NOX1: variants seen among roughly 807,000 people sequenced by gnomAD.
NOX1 encodes the protein NADPH oxidase 1.
A neutral mutation model predicts 42.5 loss-of-function variants in NOX1; 34 were observed. That is an observed-to-expected ratio of 0.80 (90% CI 0.61 to 1.07). The LOEUF (loss-of-function observed/expected upper bound fraction) is 1.07, where lower values mean the gene tolerates loss of function less well. Among genes scored for constraint, NOX1 ranks in the 50% least tolerant of loss-of-function variants. The pLI, the probability that NOX1 is intolerant of heterozygous loss-of-function variation, is 0.00. For missense variants in NOX1, 408 were observed against 427.0 expected (o/e 0.96, Z 0.39); for synonymous variants, 143 against 152.5 (o/e 0.94, Z 0.46).
At chrX:100,855,626 G>A (rs2085161421) in intron 7 of NOX1, 39 of 1,034,816 alleles carry the variant, frequency 3.8e-5, no homozygotes, top group Non-Finnish European at 5.1e-5. Flanking sequence ...TTCCTCCAGA[G>A]TAACCAGGGC....
intron 2 of NOX1, 31 bp downstream of exon 2, chrX:100,870,688 A>G: frequency 1.1e-6 from 1 of 885,781 alleles, no homozygotes; most frequent in Non-Finnish European, 1.7e-6. Context: ...AAAACAATAG[A>G]GATTCTATCC....
chrX:100,849,346 C>T lies in NOX1; in HGVS notation c.1377G>A (p.Met459Ile), dbSNP rs1472974312. The change falls in exon 11 of 13, where the codon ATG becomes ATA. Residue 459 changes from methionine (M) to isoleucine (I), a missense_variant. Transcript: ENST00000372966. ...GAAAACCCACTTTGCCTAATTCCTC[C>T]ATCTCCTGTTCCAGGGAAGTCAACA... ...NNLLTSLEQE[M>I]EELGKVGFLN... 1 of 1,210,812 alleles carries T rather than the reference C, an allele frequency of 8.3e-7. No homozygotes were observed. Among genetic ancestry groups the T allele is most frequent in the Non-Finnish European group, 1.1e-6 (1 of 894,523 alleles).
intron 2 of NOX1, among the ~76,000 whole-genome samples, chrX:100,869,697 T>C (rs7057545): frequency 0.025 from 2,395 of 96,802 alleles, 96 homozygotes; most frequent in African/African-American, 0.087. Context: ...TCCAACACTA[T>C]GTTGAATAGG....
At position 100,861,728 on chromosome X, in the gene NOX1, G is replaced by A. The variant is rs1411082957; in HGVS notation, c.804+443C>T. On this transcript the variant is annotated intron_variant, in intron 7 of 12. Coordinates refer to ENST00000372966, the MANE Select transcript of NOX1 (RefSeq NM_007052.5). ...TTTGGAATCCAAAAGGCCTGGGTTT[G>A]TATTCAAGCTCCACTACTTACTGTA... 4.5e-5 allele frequency among the ~76,000 whole-genome samples: 5 copies of A among 112,013 alleles called. No homozygotes were observed. The Admixed American group carries it at 4.8e-4, about 11-fold the overall frequency.
At chrX:100,867,644 T>C (rs987422637) in intron 2 of NOX1, among the ~76,000 whole-genome samples, 1 of 110,968 alleles carries the variant, frequency 9.0e-6, no homozygotes, top group African/African-American at 3.3e-5. Context: ...GGTGGGAAGA[T>C]AGCTGAAGCC....
In NOX1 at chrX:100,849,304, G is replaced by T; in HGVS notation, c.1419C>A (p.Phe473Leu). 8.3e-7 allele frequency: 1 copy of T among 1,211,388 alleles called. No homozygotes were observed. Among genetic ancestry groups the T allele is most frequent in the Non-Finnish European group, 1.1e-6 (1 of 895,181 alleles). ...CAATATTGCTGTCCCATCCGGTGAG[G>T]AAGAGACGGTAGTTTAGAAAACCCA... Reference protein sequence around the residue: ...GKVGFLNYRLFLTGWDSNIVG... With the variant: ...GKVGFLNYRLLLTGWDSNIVG... Residue 473 changes from phenylalanine (F) to leucine (L), a missense_variant, in exon 11 of 13, where the codon TTC becomes TTA. Coordinates refer to ENST00000372966, the MANE Select transcript of NOX1 (RefSeq NM_007052.5).
chrX:100,855,927 A>G (rs1477991059), intron 7 of NOX1: 7 of 1,167,485 alleles, frequency 6.0e-6, no homozygotes, highest in Non-Finnish European at 8.1e-6. Flanking sequence ...ATGGTCGTCA[A>G]AAGTTACAAA....
intron 12 of NOX1, among the ~76,000 whole-genome samples, chrX:100,845,085 C>T (rs2085063636): frequency 9.0e-6 from 1 of 111,528 alleles, no homozygotes; most frequent in Non-Finnish European, 1.9e-5. Flanking sequence ...CCATAAAATT[C>T]GCCCCTTTGA....
intron 7 of NOX1, chrX:100,855,756 C>A (rs2085162595): frequency 9.7e-7 from 1 of 1,035,965 alleles, no homozygotes; most frequent in African/African-American, 1.8e-5. Context: ...TCCTCCACAA[C>A]CAAAGTTTTC....
intron 10 of NOX1, 26 bp from the exon 11 acceptor site, chrX:100,849,452 C>T: frequency 1.7e-6 from 2 of 1,194,223 alleles, no homozygotes; most frequent in Non-Finnish European, 1.1e-6. Flanking sequence ...GAGAACATAG[C>T]CTTATTAGGT....
rs1394702083 is a variant in NOX1, at chrX:100,843,890, C to A, written c.*62G>T. Reference sequence around the variant, plus strand: ...AAGTGACTGCTCAAACCTGACGAGACCAAGTAAATTACTGAAGATACAAAG... The same window carrying A: ...AAGTGACTGCTCAAACCTGACGAGAACAAGTAAATTACTGAAGATACAAAG... On this transcript the variant is annotated 3_prime_UTR_variant, in exon 13 of 13. Transcript: ENST00000372966. 1.3e-5 allele frequency: 13 copies of A among 1,034,235 alleles called. No individual in the cohort carries two copies. Among genetic ancestry groups the A allele is most frequent in the Non-Finnish European group, 1.6e-5 (12 of 746,594 alleles). The allele number at this position is 1,034,235 out of a possible 1,213,427, so 85.2% of individuals were successfully genotyped here. A position where few individuals can be genotyped will look rare whatever the true frequency, so the allele number is the denominator to read the frequency against.
intron 2 of NOX1, among the ~76,000 whole-genome samples, chrX:100,869,043 A>G (rs1436706163): frequency 6.3e-5 from 7 of 111,522 alleles, no homozygotes; most frequent in African/African-American, 2.3e-4. Context: ...TACCAGTACC[A>G]TGCTGTTTTG....
rs1569444871 is a variant in NOX1 at position 100,851,247 on chromosome X, C to A, written c.883G>T (p.Val295Phe). The A allele has an allele frequency of 8.5e-7, 1 of 1,177,995 alleles. No individual in the cohort carries two copies. The highest frequency in any genetic ancestry group is 1.8e-5 in the African/African-American group (1 of 56,372). Residue 295 changes from valine to phenylalanine, a missense_variant, in exon 8 of 13, where the codon GTT (valine) becomes TTT (phenylalanine). Coordinates refer to ENST00000372966, the MANE Select transcript of NOX1 (RefSeq NM_007052.5). ...ATATTCTTTACCTTGGTAATCACAA[C>A]CTTCTGCTGGGAGCGGTAAAACCGG... ...ILRFYRSQQK[V>F]VITKVVMHPS...
Position 100,843,381 on chromosome X carries a change from G to A in NOX1, c.*571C>T, listed in dbSNP as rs1192788658. The A allele has an allele frequency of 2.6e-6, 3 of 1,135,149 alleles. No individual in the cohort carries two copies. Among genetic ancestry groups the A allele is most frequent in the Non-Finnish European group, 2.3e-6 (2 of 860,753 alleles). The allele number at this position is 1,135,149 out of a possible 1,213,427, so 93.5% of individuals were successfully genotyped here. A position where few individuals can be genotyped will look rare whatever the true frequency, so the allele number is the denominator to read the frequency against. ...TGAGCAAAAATAAGAATAAATTGCT[G>A]TTCACACTGGATAAGACCATATCAA... On this transcript the variant is annotated 3_prime_UTR_variant, in exon 13 of 13. Coordinates refer to ENST00000372966, the MANE Select transcript of NOX1 (RefSeq NM_007052.5).
At chrX:100,856,718 G>A (rs1246571808) in intron 7 of NOX1, among the ~76,000 whole-genome samples, 2 of 109,577 alleles carry the variant, frequency 1.8e-5, no homozygotes, top group African/African-American at 3.3e-5. Flanking sequence ...AACCAGAGTC[G>A]TGCACCACCA....
intron 7 of NOX1, chrX:100,855,224 T>C (rs1007456716): frequency 3.2e-5 from 16 of 494,883 alleles, no homozygotes; most frequent in Non-Finnish European, 5.1e-5. Flanking sequence ...CATGAATCTG[T>C]TGTAACCTGT....
chrX:100,854,954 TA>T (rs34818272), intron 7 of NOX1, among the ~76,000 whole-genome samples: 4 of 103,000 alleles, frequency 3.9e-5, no homozygotes, highest in Non-Finnish European at 5.9e-5. Context: ...CACAGCACAT[TA>T]AAAAAAAAAG....
intron 7 of NOX1, among the ~76,000 whole-genome samples, 176 bp from the exon 8 acceptor site, chrX:100,851,501 G>A (rs1246792846): frequency 1.8e-5 from 2 of 112,107 alleles, no homozygotes; most frequent in Admixed American, 9.5e-5. Flanking sequence ...CAATGGTTTC[G>A]TTTGCTAATC....
intron 2 of NOX1, among the ~76,000 whole-genome samples, chrX:100,870,329 G>A (rs900217161): frequency 1.8e-5 from 2 of 109,459 alleles, no homozygotes; most frequent in Non-Finnish European, 1.9e-5. Flanking sequence ...CTCATACCCT[G>A]TAGGAACACC....
Sources: gnomAD v4.1 joint callset for allele counts (sites outside exome capture counted in the v4.1 genomes callset) on GRCh38, gnomAD v4.1.1 for gene constraint, MANE v1.5 for transcripts, NCBI Gene and HGNC (gene_info 2026-07-23, HGNC 2026-07-21) for gene names.